The following PTPRG variants were observed in gnomAD, a reference collection of about 807,000 sequenced individuals.
PTPRG encodes the protein protein tyrosine phosphatase receptor type G.
PTPRG carries 102 observed loss-of-function variants against 165.3 expected under a neutral mutation model. The observed-to-expected ratio is 0.62, with a 90% CI of 0.53 to 0.73. The LOEUF (loss-of-function observed/expected upper bound fraction) is 0.73. Among genes scored for constraint, PTPRG ranks in the 30% least tolerant of loss-of-function variants. PTPRG has a pLI of 0.00. For synonymous variants in PTPRG, 675 were observed against 669.5 expected (o/e 1.01, Z -0.13); for missense variants, 1,866 against 1,861.4 (o/e 1.00, Z -0.05).
At chr3:62,120,711 C>T (rs1703033952) in intron 5 of PTPRG, among the ~76,000 whole-genome samples, 1 of 150,562 alleles carries the variant, frequency 6.6e-6, no homozygotes, top group African/African-American at 2.4e-5. Flanking sequence ...GATAGTGCCA[C>T]TGCACTCCAG....
intron 1 of PTPRG, among the ~76,000 whole-genome samples, chr3:61,618,694 G>C (rs752831578): frequency 1.3e-5 from 2 of 152,064 alleles, no homozygotes; most frequent in East Asian, 3.8e-4. Context: ...TTTTCTTAAG[G>C]CCTTTTTAAA....
chr3:61,695,863 A>G (rs2030555468), intron 1 of PTPRG, among the ~76,000 whole-genome samples: 1 of 152,218 alleles, frequency 6.6e-6, no homozygotes, highest in Non-Finnish European at 1.5e-5. Flanking sequence ...TGAGATTAAA[A>G]CACTACTGTA....
intron 4 of PTPRG, among the ~76,000 whole-genome samples, chr3:62,061,510 T>G (rs1277425835): frequency 1.3e-5 from 2 of 152,178 alleles, no homozygotes; most frequent in Non-Finnish European, 2.9e-5. Context: ...AATTACTAAC[T>G]TCCCTGCTGA....
At chr3:61,902,871 A>T (rs1366298573) in intron 2 of PTPRG, among the ~76,000 whole-genome samples, 1 of 152,110 alleles carries the variant, frequency 6.6e-6, no homozygotes. Context: ...CTTATTTTTG[A>T]TATCAGGGAT....
At chr3:61,830,560 GT>G (rs1220550805) in intron 2 of PTPRG, among the ~76,000 whole-genome samples, 1 of 90,106 alleles carries the variant, frequency 1.1e-5, no homozygotes, top group East Asian at 3.5e-4. Context: ...GGTTCTTTTT[GT>G]TTTTGTTTTT....
intron 2 of PTPRG, among the ~76,000 whole-genome samples, chr3:61,813,796 G>A (rs1025123514): frequency 1.2e-4 from 18 of 151,856 alleles, no homozygotes; most frequent in African/African-American, 4.4e-4. Context: ...AGGTCTCGAA[G>A]TGGTTTGTTT....
chr3:61,691,021 T>C (rs2030168740), intron 1 of PTPRG, among the ~76,000 whole-genome samples: 1 of 152,200 alleles, frequency 6.6e-6, no homozygotes, highest in South Asian at 2.1e-4. Flanking sequence ...GGAAATAAAA[T>C]ATGGCACGCC....
intron 1 of PTPRG, among the ~76,000 whole-genome samples, chr3:61,564,756 C>A (rs1164179565): frequency 6.6e-6 from 1 of 152,200 alleles, no homozygotes; most frequent in Non-Finnish European, 1.5e-5. Flanking sequence ...GCTCCTGCCA[C>A]CTCCACACTG....
chr3:61,621,639 C>T (rs1701460987), intron 1 of PTPRG, among the ~76,000 whole-genome samples: 1 of 152,132 alleles, frequency 6.6e-6, no homozygotes, highest in African/African-American at 2.4e-5. Context: ...GATTGGGACA[C>T]AGTATTTTCC....
intron 1 of PTPRG, among the ~76,000 whole-genome samples, chr3:61,626,760 A>G (rs888771890): frequency 6.6e-6 from 1 of 152,208 alleles, no homozygotes; most frequent in Admixed American, 6.5e-5. Context: ...TGGTTGGCAG[A>G]TTATTAAATG....
At chr3:61,863,089 C>T (rs994997312) in intron 2 of PTPRG, among the ~76,000 whole-genome samples, 2 of 152,212 alleles carry the variant, frequency 1.3e-5, no homozygotes, top group African/African-American at 4.8e-5. Flanking sequence ...GTCTTGAATG[C>T]ACTGCACAAG....
At chr3:61,893,015 C>G (rs535109750) in intron 2 of PTPRG, among the ~76,000 whole-genome samples, 4 of 152,226 alleles carry the variant, frequency 2.6e-5, no homozygotes, top group African/African-American at 9.6e-5. Flanking sequence ...TTCCCAGTTT[C>G]TAATGCAGGG....
chr3:62,081,355 A>G (rs936902996), intron 5 of PTPRG, among the ~76,000 whole-genome samples: 7 of 151,996 alleles, frequency 4.6e-5, no homozygotes, highest in African/African-American at 1.5e-4. Flanking sequence ...CTTCTTATTT[A>G]TTTATTTAGA....
chr3:61,959,942 A>G (rs1210073462), intron 2 of PTPRG, among the ~76,000 whole-genome samples: 1 of 151,944 alleles, frequency 6.6e-6, no homozygotes, highest in Non-Finnish European at 1.5e-5. Context: ...TGCTGTTCTC[A>G]TCGTTGTCTT....
rs1352612780 is a variant in PTPRG, at chr3:62,214,702, C to T, written c.2156-4149C>T. On this transcript the variant is annotated intron_variant, in intron 12 of 29. Transcript: ENST00000474889. The surrounding 1 kb of genome is among the most constrained non-coding windows in gnomAD (Gnocchi z 5.2). Reference sequence around the variant, plus strand: ...TACTTGTCATTTGCTTGATGCCAGGCACACTTCTAGGTGCTTACATGCACC... The same window carrying T: ...TACTTGTCATTTGCTTGATGCCAGGTACACTTCTAGGTGCTTACATGCACC... 6.6e-6 allele frequency among the ~76,000 whole-genome samples: 1 copy of T among 152,192 alleles called. No homozygotes were observed. The highest frequency in any genetic ancestry group is 1.5e-5 in the Non-Finnish European group (1 of 68,028).
intron 1 of PTPRG, among the ~76,000 whole-genome samples, chr3:61,698,922 A>G (rs1283731494): frequency 3.9e-5 from 6 of 152,114 alleles, no homozygotes; most frequent in Non-Finnish European, 8.8e-5. Context: ...CGCAAGGACA[A>G]AAAACCAAAC....
chr3:61,795,112 T>A (rs1388755896), intron 2 of PTPRG, among the ~76,000 whole-genome samples: 1 of 152,166 alleles, frequency 6.6e-6, no homozygotes, highest in Non-Finnish European at 1.5e-5. Flanking sequence ...TTAATCCCTT[T>A]TAGTATCCCA....
intron 2 of PTPRG, among the ~76,000 whole-genome samples, chr3:61,917,742 C>T (rs576080279): frequency 1.1e-4 from 16 of 152,182 alleles, no homozygotes; most frequent in African/African-American, 2.2e-4. Flanking sequence ...CCAGCCTGGC[C>T]GACATGGTGA....
At chr3:61,623,499 A>G (rs1305830834) in intron 1 of PTPRG, among the ~76,000 whole-genome samples, 1 of 152,184 alleles carries the variant, frequency 6.6e-6, no homozygotes, top group Non-Finnish European at 1.5e-5. Context: ...ACATTGGAGC[A>G]GGAAGAGGCT....
Sources: gnomAD v4.1 joint callset for allele counts (sites outside exome capture counted in the v4.1 genomes callset) on GRCh38, gnomAD v4.1.1 for gene constraint, Gnocchi (gnomAD v3.1) non-coding constraint, MANE v1.5 for transcripts, NCBI Gene and HGNC (gene_info 2026-07-23, HGNC 2026-07-21) for gene names.